Variants in ZNF831 observed in about 807,000 individuals in gnomAD.
ZNF831 encodes zinc finger protein 831, also known as chromosome 20 open reading frame 174.
ZNF831 carries 59 observed loss-of-function variants against 95.8 expected under a neutral mutation model. The ratio of observed to expected loss-of-function variants is 0.62; its 90% CI spans 0.50 to 0.77. The LOEUF (loss-of-function observed/expected upper bound fraction) is 0.77, where lower values mean the gene tolerates loss of function less well. Among genes scored for constraint, ZNF831 ranks in the 30% least tolerant of loss-of-function variants. The pLI is 0.00. For missense variants in ZNF831, 2,205 were observed against 2,164.0 expected (o/e 1.02, Z -0.38); for synonymous variants, 961 against 925.5 (o/e 1.04, Z -0.70).
chr20:59,168,292 G>A (rs534293788), intron 1 of ZNF831, among the ~76,000 whole-genome samples: 9 of 152,190 alleles, frequency 5.9e-5, no homozygotes, highest in South Asian at 4.1e-4. Flanking sequence ...TTTTCAGTGC[G>A]TAAGTCTTGT....
In ZNF831 at chr20:59,191,972, A is replaced by G. The variant is rs2146557343; in HGVS notation, c.953A>G (p.Gln318Arg). ...TAGKPCALQR[Q>R]QATAAEKPWD... ...GGGAAGCCGTGCGCCCTGCAGCGGC[A>G]GCAGGCGACGGCAGCGGAGAAGCCC... Residue 318 changes from glutamine (Q) to arginine (R), a missense_variant, in exon 2 of 6, where the codon CAG (glutamine) becomes CGG (arginine). Coordinates refer to ENST00000371030, the MANE Select transcript of ZNF831 (RefSeq NM_178457.3). 1 of 1,606,724 alleles carries G rather than the reference A, an allele frequency of 6.2e-7. No individual in the cohort carries two copies. Among genetic ancestry groups the G allele is most frequent in the African/African-American group, 1.3e-5 (1 of 74,760 alleles).
rs2146586277 is a variant in ZNF831 at position 59,193,609 on chromosome 20, G to C, written c.2590G>C (p.Glu864Gln). The change falls in exon 2 of 6, where the codon GAG (glutamate) becomes CAG (glutamine). Residue 864 changes from glutamate to glutamine, a missense_variant. By Grantham distance (29) the Glu-to-Gln change is conservative. Transcript: ENST00000371030. Reference sequence around the variant, plus strand: ...CCAGAAGCAGGATGCCGATCCCGGGGAGGTGCCAGGGGGCTCAAAGGAGAG... The same window carrying C: ...CCAGAAGCAGGATGCCGATCCCGGGCAGGTGCCAGGGGGCTCAAAGGAGAG... ...SSQKQDADPG[E>Q]VPGGSKESAR... 1 of 1,612,520 alleles carries C rather than the reference G, an allele frequency of 6.2e-7. No individual in the cohort carries two copies. The highest frequency in any genetic ancestry group is 1.1e-5 in the South Asian group (1 of 91,044).
intron 4 of ZNF831, among the ~76,000 whole-genome samples, chr20:59,248,802 A>T (rs1051387657): frequency 2.0e-5 from 3 of 152,224 alleles, no homozygotes; most frequent in African/African-American, 4.8e-5. Flanking sequence ...GAATGAAAAC[A>T]TATCTTGAAT....
At position 59,191,305 on chromosome 20, in the gene ZNF831, C is replaced by G. The variant is rs374647671; in HGVS notation, c.286C>G (p.Gln96Glu). The G allele has an allele frequency of 4.4e-6, 7 of 1,592,774 alleles. No individual in the cohort carries two copies. In the East Asian group the frequency reaches 6.8e-5, roughly 16 times the overall value. ...NVPFILSPVL[Q>E]PEGPGPTQVG... The stretch of plus-strand genomic sequence containing the variant: ...GCCCTTCATACTCAGCCCTGTGCTG[C>G]AGCCTGAAGGGCCTGGCCCCACCCA... The change falls in exon 2 of 6, where the codon CAG becomes GAG. Residue 96 changes from glutamine to glutamate, a missense_variant. Gln to Glu is a conservative substitution (Grantham distance 29). Transcript: ENST00000371030.
chr20:59,150,084 TCA>T (rs1980137891), intron 2 of ZNF831, among the ~76,000 whole-genome samples: 1 of 152,222 alleles, frequency 6.6e-6, no homozygotes, highest in African/African-American at 2.4e-5. Flanking sequence ...AAACGTGGCC[TCA>T]CGTTCACAAT....
At chr20:59,223,346 G>C (rs1398347278) in intron 4 of ZNF831, among the ~76,000 whole-genome samples, 1 of 152,198 alleles carries the variant, frequency 6.6e-6, no homozygotes, top group Non-Finnish European at 1.5e-5. Context: ...CTTGCCAAGT[G>C]TGTGCGATGG....
Position 59,191,374 on chromosome 20 carries a change from G to A in ZNF831, c.355G>A (p.Gly119Ser), listed in dbSNP as rs1203713677. The change falls in exon 2 of 6, where the codon GGC (glycine) becomes AGC (serine). Residue 119 changes from glycine to serine, a missense_variant. Transcript: ENST00000371030. Reference protein sequence around the residue: ...AAPTLTVNIVGTLPVLSPGLG... With the variant: ...AAPTLTVNIVSTLPVLSPGLG... The stretch of plus-strand genomic sequence containing the variant: ...CCCTACGCTGACGGTGAACATCGTG[G>A]GCACTCTGCCTGTCCTGTCGCCGGG... 6.2e-7 allele frequency: 1 copy of A among 1,608,922 alleles called. No individual in the cohort carries two copies. Among genetic ancestry groups the A allele is most frequent in the Admixed American group, 1.7e-5 (1 of 59,670 alleles).
intron 1 of ZNF831, among the ~76,000 whole-genome samples, chr20:59,179,100 C>T (rs1370317874): frequency 6.6e-6 from 1 of 152,206 alleles, no homozygotes; most frequent in Non-Finnish European, 1.5e-5. Context: ...ACACTGTGAG[C>T]TCCACGACAG....
chr20:59,196,974 A>G, intron 3 of ZNF831, among the ~76,000 whole-genome samples: 1 of 147,158 alleles, frequency 6.8e-6, no homozygotes. Context: ...TTTAGTAGAG[A>G]CGGGGTTTTG....
chr20:59,130,270 G>A (rs1979308771), intron 1 of ZNF831, among the ~76,000 whole-genome samples: 3 of 152,188 alleles, frequency 2.0e-5, no homozygotes, highest in Admixed American at 6.5e-5. Flanking sequence ...GCCGGGCCTG[G>A]AAGCACATTA....
intron 1 of ZNF831, among the ~76,000 whole-genome samples, chr20:59,181,242 G>A: frequency 6.6e-6 from 1 of 152,094 alleles, no homozygotes; most frequent in East Asian, 1.9e-4. Context: ...TTGTAAATTT[G>A]TCTAAGTTCC....
At chr20:59,212,919 C>T (rs544188198) in intron 4 of ZNF831, among the ~76,000 whole-genome samples, 15 of 152,288 alleles carry the variant, frequency 9.8e-5, no homozygotes, top group African/African-American at 3.6e-4. Flanking sequence ...AAATTGTGCT[C>T]AAGATGTTGC....
At chr20:59,166,786 T>C (rs1021706030) in intron 1 of ZNF831, among the ~76,000 whole-genome samples, 2 of 152,244 alleles carry the variant, frequency 1.3e-5, no homozygotes, top group Non-Finnish European at 2.9e-5. Context: ...TGCTCAGTAG[T>C]GTTCTGTGAT....
chr20:59,193,331 G>A lies in ZNF831; in HGVS notation c.2312G>A (p.Gly771Asp), dbSNP rs768817514. ...CCAGCACCTGGCCCCCTCAAAGGGG[G>A]TGATGTAGAGGCTCCCAGGCCAGTT... is the stretch of plus-strand genomic sequence containing the variant. ...MPPAPGPLKGGDVEAPRPVWP... is the reference protein window; with the variant it reads ...MPPAPGPLKGDDVEAPRPVWP... The change falls in exon 2 of 6, where the codon GGT (glycine) becomes GAT (aspartate). Residue 771 changes from glycine to aspartate, a missense_variant. Physicochemically the swap from Gly to Asp is moderately conservative, Grantham distance 94 (BLOSUM62 -1). Coordinates refer to ENST00000371030, the MANE Select transcript of ZNF831 (RefSeq NM_178457.3). 28 of 1,613,014 alleles carry A rather than the reference G, an allele frequency of 1.7e-5. No homozygotes were observed. The highest frequency in any genetic ancestry group is 5.0e-5 in the Admixed American group (3 of 59,888).
intron 4 of ZNF831, among the ~76,000 whole-genome samples, chr20:59,223,027 T>C (rs1383264219): frequency 6.6e-6 from 1 of 152,124 alleles, no homozygotes; most frequent in Non-Finnish European, 1.5e-5. Context: ...GATGTTTCAC[T>C]GCCCTCACAT....
chr20:59,253,860 C>CCT lies in ZNF831; in HGVS notation c.4189-37_4189-36insTC. ...CATTTTTCTTTGTACCAATTAACCT[C>CCT]CCCCCCCACTTTTTTTTTCCTTTGC... On this transcript the variant is annotated intron_variant, in intron 5 of 5. Coordinates refer to ENST00000371030, the MANE Select transcript of ZNF831 (RefSeq NM_178457.3). 3.3e-6 allele frequency: 3 copies of CCT among 904,362 alleles called. 1 individual carries two copies. The highest frequency in any genetic ancestry group is 6.8e-5 in the Admixed American group (2 of 29,610). The allele number at this position is 904,362 out of a possible 1,614,324, so 56.0% of individuals were successfully genotyped here.
intron 1 of ZNF831, among the ~76,000 whole-genome samples, chr20:59,125,756 A>C (rs1979153765): frequency 6.6e-6 from 1 of 152,170 alleles, no homozygotes; most frequent in Non-Finnish European, 1.5e-5. Flanking sequence ...TGCTTTACCC[A>C]ACCATTTTTC....
intron 1 of ZNF831, among the ~76,000 whole-genome samples, chr20:59,173,808 G>A (rs1027307621): frequency 1.3e-5 from 2 of 152,156 alleles, no homozygotes; most frequent in Non-Finnish European, 2.9e-5. Flanking sequence ...CACCCAGTGG[G>A]TTATGCAGGG....
intron 4 of ZNF831, among the ~76,000 whole-genome samples, chr20:59,224,326 A>G (rs1986296931): frequency 6.6e-6 from 1 of 152,098 alleles, no homozygotes; most frequent in Non-Finnish European, 1.5e-5. Context: ...TCCTCTTCCA[A>G]GCTGACTTCT....
Sources: gnomAD v4.1 joint callset for allele counts (sites outside exome capture counted in the v4.1 genomes callset) on GRCh38, gnomAD v4.1.1 for gene constraint, MANE v1.5 for transcripts, NCBI Gene and HGNC (gene_info 2026-07-23, HGNC 2026-07-21) for gene names.